Variants in SMYD3 observed in about 807,000 individuals in gnomAD.
The protein encoded by SMYD3 is SET and MYND domain containing 3, also known as histone-lysine N-methyltransferase SMYD3.
Under a neutral mutation model 57.7 loss-of-function variants are expected in SMYD3, and 36 were observed. The observed-to-expected ratio is 0.62, with a 90% CI of 0.48 to 0.82. The LOEUF is 0.82. Ranked by LOEUF, SMYD3 falls within the 40% of genes least tolerant of loss-of-function variation. SMYD3 has a pLI of 0.00. For missense variants in SMYD3, 515 were observed against 538.8 expected (o/e 0.96, Z 0.44); for synonymous variants, 211 against 195.0 (o/e 1.08, Z -0.68).
chr1:246,461,715 C>CAG (rs2067800414), intron 1 of SMYD3, among the ~76,000 whole-genome samples: 1 of 118,682 alleles, frequency 8.4e-6, no homozygotes, highest in South Asian at 2.6e-4. Context: ...GCCTGGGCAA[C>CAG]AGAACTGGAC....
intron 1 of SMYD3, among the ~76,000 whole-genome samples, chr1:246,400,635 A>G (rs2066752248): frequency 6.6e-6 from 1 of 152,186 alleles, no homozygotes; most frequent in Non-Finnish European, 1.5e-5. Context: ...TATGACTTCA[A>G]TCTTTTGATG....
At chr1:246,107,103 CGG>C (rs1553290846) in intron 5 of SMYD3, among the ~76,000 whole-genome samples, 11 of 108,740 alleles carry the variant, frequency 1.0e-4, no homozygotes, top group East Asian at 4.7e-4. Context: ...ATCGAGACCA[CGG>C]TGAAACCCCG....
intron 5 of SMYD3, among the ~76,000 whole-genome samples, chr1:246,320,432 T>C (rs2065227069): frequency 6.6e-6 from 1 of 152,198 alleles, no homozygotes; most frequent in African/African-American, 2.4e-5. Context: ...AGATGTGGAA[T>C]TTCTAATCAA....
At chr1:246,199,966 G>A (rs944087421) in intron 5 of SMYD3, among the ~76,000 whole-genome samples, 10 of 151,992 alleles carry the variant, frequency 6.6e-5, no homozygotes, top group Non-Finnish European at 8.8e-5. Flanking sequence ...GGAGAACAGC[G>A]TAGACGCTGA....
chr1:246,157,811 G>A (rs1161418074), intron 5 of SMYD3, among the ~76,000 whole-genome samples: 1 of 152,190 alleles, frequency 6.6e-6, no homozygotes, highest in Non-Finnish European at 1.5e-5. Context: ...ATTTTCAAGT[G>A]CCACAGAATC....
rs542481650 is a variant in SMYD3 at position 245,852,864 on chromosome 1, C to A, written c.1076+5632G>T. Reference sequence around the variant, plus strand: ...CCCAGTGTCCCAGTAAGAAATAAACCTTACAAAATGGACAGCAAACAGAAA... The same window carrying A: ...CCCAGTGTCCCAGTAAGAAATAAACATTACAAAATGGACAGCAAACAGAAA... On this transcript the variant is annotated intron_variant, in intron 10 of 11. Transcript: ENST00000490107. Among the ~76,000 whole-genome samples, 12 of 152,234 alleles carry A rather than the reference C, an allele frequency of 7.9e-5. No individual in the cohort carries two copies. In the South Asian group the frequency reaches 2.5e-3, roughly 32 times the overall value.
At chr1:246,492,949 G>A (rs2068293973) in intron 1 of SMYD3, among the ~76,000 whole-genome samples, 1 of 152,162 alleles carries the variant, frequency 6.6e-6, no homozygotes, top group South Asian at 2.1e-4. Flanking sequence ...GTTTTCCTCT[G>A]TTTAATTACA....
chr1:246,122,228 G>T (rs2061435415), intron 5 of SMYD3, among the ~76,000 whole-genome samples: 1 of 151,270 alleles, frequency 6.6e-6, no homozygotes. Context: ...TGAGCAACAT[G>T]GCAAGATCCC....
intron 5 of SMYD3, among the ~76,000 whole-genome samples, chr1:246,223,132 CA>C (rs79142040): frequency 0.087 from 13,146 of 151,734 alleles, 990 homozygotes; most frequent in East Asian, 0.24. Flanking sequence ...TGATTCAAGA[CA>C]GGGAGGGGAA....
chr1:246,412,626 A>C (rs1459139550), intron 1 of SMYD3, among the ~76,000 whole-genome samples: 2 of 152,114 alleles, frequency 1.3e-5, no homozygotes, highest in Non-Finnish European at 2.9e-5. Context: ...TGGGCAGCCG[A>C]GGCAGGCGGA....
At chr1:246,449,125 G>A (rs531793785) in intron 1 of SMYD3, among the ~76,000 whole-genome samples, 2 of 152,110 alleles carry the variant, frequency 1.3e-5, no homozygotes, top group African/African-American at 4.8e-5. Flanking sequence ...AGCTACTCAG[G>A]GGGGACTGAG....
At chr1:245,783,859 T>C (rs1572326940) in intron 10 of SMYD3, among the ~76,000 whole-genome samples, 1 of 152,314 alleles carries the variant, frequency 6.6e-6, no homozygotes, top group East Asian at 1.9e-4. Flanking sequence ...AGTATCTGTA[T>C]GCTAAAACAT....
chr1:245,956,961 C>A (rs537267985), intron 5 of SMYD3, among the ~76,000 whole-genome samples: 1 of 152,168 alleles, frequency 6.6e-6, no homozygotes, highest in Admixed American at 6.5e-5. Flanking sequence ...AAACTGATCA[C>A]CATCTCAACA....
intron 10 of SMYD3, among the ~76,000 whole-genome samples, chr1:245,792,532 A>T (rs1202313088): frequency 6.6e-6 from 1 of 152,230 alleles, no homozygotes; most frequent in African/African-American, 2.4e-5. Context: ...AGAAAAAGAC[A>T]GAAAAAAAAT....
chr1:246,450,086 G>A (rs1345593698), intron 1 of SMYD3, among the ~76,000 whole-genome samples: 2 of 152,186 alleles, frequency 1.3e-5, no homozygotes, highest in African/African-American at 2.4e-5. Flanking sequence ...TCGGGAGTTC[G>A]AGACCAGCCT....
At chr1:246,067,290 G>T (rs527324083) in intron 5 of SMYD3, among the ~76,000 whole-genome samples, 1 of 152,276 alleles carries the variant, frequency 6.6e-6, no homozygotes, top group African/African-American at 2.4e-5. Context: ...GGGGAGAATG[G>T]TTTTATTTTG....
At chr1:245,967,047 T>A (rs527652266) in intron 5 of SMYD3, among the ~76,000 whole-genome samples, 2 of 152,200 alleles carry the variant, frequency 1.3e-5, no homozygotes, top group African/African-American at 4.8e-5. Flanking sequence ...TATTGATCAA[T>A]GTGTTATAAT....
intron 5 of SMYD3, among the ~76,000 whole-genome samples, chr1:246,153,205 C>T (rs1165855874): frequency 6.6e-6 from 1 of 152,108 alleles, no homozygotes; most frequent in Non-Finnish European, 1.5e-5. Context: ...CAACTTCCTA[C>T]CCAACCCCCA....
At chr1:246,474,347 G>A (rs1472014636) in intron 1 of SMYD3, among the ~76,000 whole-genome samples, 3 of 151,976 alleles carry the variant, frequency 2.0e-5, no homozygotes, top group East Asian at 1.9e-4. Flanking sequence ...GTGAAATCCT[G>A]TCTCTACCAA....
Sources: gnomAD v4.1 joint callset for allele counts (sites outside exome capture counted in the v4.1 genomes callset) on GRCh38, gnomAD v4.1.1 for gene constraint, MANE v1.5 for transcripts, NCBI Gene and HGNC (gene_info 2026-07-23, HGNC 2026-07-21) for gene names.